Variants in TNKS observed in about 807,000 individuals in gnomAD.
TNKS encodes poly [ADP-ribose] polymerase tankyrase-1.
In TNKS, 72 loss-of-function variants were observed where a neutral mutation model predicts 135.8. The ratio of observed to expected loss-of-function variants is 0.53; its 90% confidence interval spans 0.44 to 0.64. The LOEUF (loss-of-function observed/expected upper bound fraction) is 0.64, where lower values mean the gene tolerates loss of function less well. TNKS is among the 30% of genes least tolerant of loss of function. The probability of loss-of-function intolerance (pLI) is 0.00; values close to 1 mark genes in which losing one functional copy is unlikely to be tolerated. For synonymous variants in TNKS, 849 were observed against 649.3 expected (o/e 1.31, Z -4.68); for missense variants, 1,769 against 1,674.0 (o/e 1.06, Z -0.99).
At chr8:9,611,403 A>T (rs1387711441) in intron 2 of TNKS, among the ~76,000 whole-genome samples, 3 of 152,142 alleles carry the variant, frequency 2.0e-5, no homozygotes, top group African/African-American at 2.4e-5. Context: ...TGCTTCAGGT[A>T]TTTGTGCTAC....
intron 5 of TNKS, among the ~76,000 whole-genome samples, chr8:9,695,706 G>C (rs935211342): frequency 1.3e-5 from 2 of 152,292 alleles, no homozygotes; most frequent in African/African-American, 4.8e-5. Flanking sequence ...AGCCAGCTGA[G>C]AGAGGATACT....
rs1461026871 is a variant in TNKS at position 9,776,792 on chromosome 8, G to C, written c.*56G>C. The stretch of plus-strand genomic sequence containing the variant: ...TTTCAACCTGGGACTGGATTACAGA[G>C]GATTGTTTCTAATAACAACATCAAT... On this transcript the variant is annotated 3_prime_UTR_variant, in exon 27 of 27. Transcript: ENST00000310430. 2 of 1,518,734 alleles carry C rather than the reference G, an allele frequency of 1.3e-6. No individual in the cohort carries two copies. Among genetic ancestry groups the C allele is most frequent in the East Asian group, 4.5e-5 (2 of 44,406 alleles). 94.1% of individuals were successfully genotyped at this position (1,518,734 alleles called of 1,614,324 possible). A position where few individuals can be genotyped will look rare whatever the true frequency, so the allele number is the denominator to read the frequency against.
At chr8:9,659,112 A>T (rs940165113) in intron 3 of TNKS, among the ~76,000 whole-genome samples, 28 of 152,274 alleles carry the variant, frequency 1.8e-4, no homozygotes, top group African/African-American at 6.0e-4. Flanking sequence ...ACAAAGAGAC[A>T]TAGACTCCCA....
rs1802482421 is a variant in TNKS at position 9,675,166 on chromosome 8, C to T, written c.995-4785C>T. Among the ~76,000 whole-genome samples, 4 of 152,256 alleles carry T rather than the reference C, an allele frequency of 2.6e-5. No individual in the cohort carries two copies. In the South Asian group the frequency reaches 8.3e-4, roughly 32 times the overall value. On this transcript the variant is annotated intron_variant, in intron 3 of 26. Transcript: ENST00000310430. ...TACTTCCTGGTGCTTTAGCTGAATTCCTTCCACAGCCACATAGCTGGTTTT... is the reference window on the plus strand; with the variant it reads ...TACTTCCTGGTGCTTTAGCTGAATTTCTTCCACAGCCACATAGCTGGTTTT...
chr8:9,700,104 G>T (rs1803724579), intron 5 of TNKS, among the ~76,000 whole-genome samples: 1 of 152,036 alleles, frequency 6.6e-6, no homozygotes, highest in Non-Finnish European at 1.5e-5. Context: ...CCTCTAGAGT[G>T]GTTTAGACCA....
chr8:9,580,909 G>A (rs1159684141), intron 2 of TNKS, among the ~76,000 whole-genome samples: 2 of 152,092 alleles, frequency 1.3e-5, no homozygotes, highest in African/African-American at 2.4e-5. Flanking sequence ...ATCATTTTAG[G>A]TATCTAGATG....
chr8:9,752,736 CT>C, intron 20 of TNKS, 110 bp downstream of exon 20: 1 of 688,318 alleles, frequency 1.5e-6, no homozygotes, highest in East Asian at 3.1e-5. Flanking sequence ...GGCAGGATTG[CT>C]TGAGCCCAGG....
intron 8 of TNKS, among the ~76,000 whole-genome samples, 187 bp downstream of exon 8, chr8:9,707,184 A>G (rs1407620430): frequency 1.3e-5 from 2 of 152,150 alleles, no homozygotes; most frequent in Non-Finnish European, 2.9e-5. Flanking sequence ...TTTTGTATAT[A>G]TTGTATTTAT....
rs1260854167 is a variant in TNKS at position 9,598,803 on chromosome 8, A to G, written c.899-16779A>G. On this transcript the variant is annotated intron_variant, in intron 2 of 26. Transcript: ENST00000310430. ...TATATATATATATATATATATATAT[A>G]TATATATATATATATGAATGAATTG... 5.1e-4 allele frequency among the ~76,000 whole-genome samples: 52 copies of G among 101,782 alleles called. 3 individuals are homozygous for G. Among genetic ancestry groups the G allele is most frequent in the Non-Finnish European group, 7.8e-4 (38 of 48,706 alleles). 66.8% of individuals were successfully genotyped at this position (101,782 alleles called of 152,430 possible).
At chr8:9,695,791 A>G (rs1183332216) in intron 5 of TNKS, among the ~76,000 whole-genome samples, 2 of 152,208 alleles carry the variant, frequency 1.3e-5, no homozygotes, top group Admixed American at 6.5e-5. Context: ...ATAGTCTCCA[A>G]GAGAAATAGT....
At chr8:9,757,072 G>T (rs1806873066) in intron 20 of TNKS, among the ~76,000 whole-genome samples, 1 of 152,152 alleles carries the variant, frequency 6.6e-6, no homozygotes, top group Non-Finnish European at 1.5e-5. Flanking sequence ...CGCCTCCCAG[G>T]TTCACACGAT....
intron 1 of TNKS, among the ~76,000 whole-genome samples, chr8:9,576,924 G>A: frequency 6.6e-6 from 1 of 151,770 alleles, no homozygotes; most frequent in East Asian, 1.9e-4. Context: ...AGAAACACAA[G>A]TGTTTAAAAA....
At chr8:9,690,999 AAGAG>A (rs965133935) in intron 5 of TNKS, among the ~76,000 whole-genome samples, 3 of 152,080 alleles carry the variant, frequency 2.0e-5, no homozygotes, top group Admixed American at 2.0e-4. Flanking sequence ...GGTTCTGCTT[AAGAG>A]AGAGAGAGCT....
At chr8:9,618,204 C>T (rs541968752) in intron 3 of TNKS, among the ~76,000 whole-genome samples, 7 of 152,234 alleles carry the variant, frequency 4.6e-5, no homozygotes, top group East Asian at 1.9e-4. Flanking sequence ...CCAGGCTGAT[C>T]TCGAACTCCT....
At chr8:9,657,782 A>AC (rs1369381088) in intron 3 of TNKS, among the ~76,000 whole-genome samples, 3 of 127,566 alleles carry the variant, frequency 2.4e-5, no homozygotes, top group African/African-American at 3.0e-5. Flanking sequence ...CAGGGGGCTG[A>AC]CCCCCCCACC....
At position 9,616,786 on chromosome 8, in the gene TNKS, G is replaced by A. The variant is rs145502227; in HGVS notation, c.994+1109G>A. Reference sequence around the variant, plus strand: ...CTGGATAACAGTAACATACACTAGAGTAATAAACCTACTTAAATTAGTGTA... The same window carrying A: ...CTGGATAACAGTAACATACACTAGAATAATAAACCTACTTAAATTAGTGTA... On this transcript the variant is annotated intron_variant, in intron 3 of 26. Coordinates refer to ENST00000310430, the MANE Select transcript of TNKS (RefSeq NM_003747.3). 3.4e-4 allele frequency among the ~76,000 whole-genome samples: 52 copies of A among 152,184 alleles called. No homozygotes were observed. In the East Asian group the frequency reaches 9.8e-3, roughly 29 times the overall value.
intron 3 of TNKS, among the ~76,000 whole-genome samples, chr8:9,626,756 G>T (rs905635109): frequency 6.6e-6 from 1 of 152,174 alleles, no homozygotes; most frequent in Non-Finnish European, 1.5e-5. Context: ...ACCCATGAGG[G>T]AGTTTTTAAT....
intron 20 of TNKS, among the ~76,000 whole-genome samples, chr8:9,759,249 T>C (rs1049764755): frequency 1.3e-5 from 2 of 152,234 alleles, no homozygotes; most frequent in African/African-American, 4.8e-5. Flanking sequence ...CCAGTTCTTC[T>C]AGGGTGAGCA....
intron 17 of TNKS, among the ~76,000 whole-genome samples, chr8:9,741,292 C>T (rs942036419): frequency 2.0e-5 from 3 of 152,012 alleles, no homozygotes; most frequent in Non-Finnish European, 2.9e-5. Context: ...GATCTTTTAT[C>T]GTCTCTGTAA....
Sources: gnomAD v4.1 joint callset for allele counts (sites outside exome capture counted in the v4.1 genomes callset) on GRCh38, gnomAD v4.1.1 for gene constraint, MANE v1.5 for transcripts, NCBI Gene and HGNC (gene_info 2026-07-23, HGNC 2026-07-21) for gene names.